RUNX1: variants seen among roughly 807,000 people sequenced by gnomAD.
The protein encoded by RUNX1 is runt-related transcription factor 1.
Under a neutral mutation model 42.8 loss-of-function variants are expected in RUNX1, and 19 were observed. The ratio of observed to expected loss-of-function variants is 0.44; its 90% confidence interval spans 0.31 to 0.65. The LOEUF is 0.65. Ranked by LOEUF, RUNX1 falls within the 30% of genes least tolerant of loss-of-function variation. The probability of loss-of-function intolerance (pLI) is 0.07; values close to 1 mark genes in which losing one functional copy is unlikely to be tolerated. For missense variants in RUNX1, 528 were observed against 672.0 expected (o/e 0.79, Z 2.37); for synonymous variants, 271 against 289.4 (o/e 0.94, Z 0.64).
intron 2 of RUNX1, among the ~76,000 whole-genome samples, chr21:35,031,800 T>C (rs1053915599): frequency 2.0e-5 from 3 of 152,258 alleles, no homozygotes; most frequent in African/African-American, 7.2e-5. Context: ...ATCTTATGTA[T>C]ATGTGGAATC....
At chr21:34,815,338 T>C (rs550818535) in intron 7 of RUNX1, among the ~76,000 whole-genome samples, 1 of 152,192 alleles carries the variant, frequency 6.6e-6, no homozygotes, top group South Asian at 2.1e-4. Flanking sequence ...AATGTAATTC[T>C]GCTAGGAGAA....
rs113733214 is a variant in RUNX1 at position 34,853,620 on chromosome 21, G to A, written c.613+5854C>T. ...TTGAAGATTATATAAATTAATATGC[G>A]TGAAGCACTGTGAACAGTGTTGGGC... On this transcript the variant is annotated intron_variant, in intron 6 of 8. Coordinates refer to ENST00000675419, the MANE Select transcript of RUNX1 (RefSeq NM_001754.5). Among the ~76,000 whole-genome samples, 187 of 152,232 alleles carry A rather than the reference G, an allele frequency of 1.2e-3. 1 individual carries two copies. Among genetic ancestry groups the A allele is most frequent in the Non-Finnish European group, 2.0e-3 (136 of 68,020 alleles).
intron 2 of RUNX1, among the ~76,000 whole-genome samples, chr21:35,040,444 G>A (rs1601702853): frequency 6.6e-6 from 1 of 152,062 alleles, no homozygotes; most frequent in East Asian, 1.9e-4. Flanking sequence ...TGAGCAATGA[G>A]TGCCACTCTG....
chr21:34,905,596 T>C (rs1388256055), intron 2 of RUNX1, among the ~76,000 whole-genome samples: 1 of 152,220 alleles, frequency 6.6e-6, no homozygotes, highest in Non-Finnish European at 1.5e-5. Flanking sequence ...TTAGCCAGAA[T>C]GTTATTCTGT....
At chr21:34,887,260 G>GGGGGGGGGGGGGGGGGGGGGGGGGGT in intron 3 of RUNX1, 164 bp from the exon 4 acceptor site, 1 of 771,778 alleles carries the variant, frequency 1.3e-6, no homozygotes. Flanking sequence ...GGCGGGGGTG[G>GGGGGGGGGGGGGGGGGGGGGGGGGGT]TTAGGGGAGG....
chr21:34,966,967 G>A (rs11701555), intron 2 of RUNX1, among the ~76,000 whole-genome samples: 24,134 of 151,930 alleles, frequency 0.16, 2,075 homozygotes, highest in Middle Eastern at 0.24. Context: ...AAATAAAAAG[G>A]TTATTCATGC....
At chr21:35,014,496 G>A (rs775216003) in intron 2 of RUNX1, among the ~76,000 whole-genome samples, 11 of 152,228 alleles carry the variant, frequency 7.2e-5, no homozygotes, top group South Asian at 2.1e-4. Context: ...CCACATATAC[G>A]GAAAGGAGAT....
chr21:34,998,340 G>A (rs191024845), intron 2 of RUNX1, among the ~76,000 whole-genome samples: 4 of 151,818 alleles, frequency 2.6e-5, no homozygotes, highest in African/African-American at 7.3e-5. Flanking sequence ...ACCACACAAC[G>A]TCCAGAGACC....
intron 2 of RUNX1, among the ~76,000 whole-genome samples, chr21:35,031,629 A>G (rs1006837956): frequency 6.6e-6 from 1 of 152,218 alleles, no homozygotes; most frequent in East Asian, 1.9e-4. Flanking sequence ...GTGTCCATCG[A>G]CAGATGAATG....
At chr21:34,914,846 C>T (rs2058299792) in intron 2 of RUNX1, among the ~76,000 whole-genome samples, 2 of 152,250 alleles carry the variant, frequency 1.3e-5, no homozygotes, top group Admixed American at 1.3e-4. Context: ...TGCCTGTGTC[C>T]TAATTGATTT....
intron 2 of RUNX1, among the ~76,000 whole-genome samples, chr21:34,905,877 C>A (rs1023837295): frequency 6.6e-6 from 1 of 152,134 alleles, no homozygotes; most frequent in Non-Finnish European, 1.5e-5. Flanking sequence ...AAAATAAAAA[C>A]TTCTCTAGAA....
intron 2 of RUNX1, among the ~76,000 whole-genome samples, chr21:34,994,187 C>T (rs549733739): frequency 4.4e-5 from 6 of 137,666 alleles, no homozygotes; most frequent in Admixed American, 7.1e-5. Context: ...AACATCTAGA[C>T]GGAACCACAT....
rs550796652 is a variant in RUNX1, at chr21:34,971,961, C to T, written c.58+76881G>A. Among the ~76,000 whole-genome samples the T allele has an allele frequency of 3.9e-5, 6 of 152,308 alleles. No individual in the cohort carries two copies. The South Asian group carries it at 1.2e-3, about 32-fold the overall frequency. On this transcript the variant is annotated intron_variant, in intron 2 of 8. Transcript: ENST00000675419. ...CAGGCATGATTTTAATGACCCTTTG[C>T]AGGGTTATAACTGATCTCTTAGAGA...
chr21:35,038,777 A>G (rs181593365), intron 2 of RUNX1: 28 of 455,926 alleles, frequency 6.1e-5, no homozygotes, highest in African/African-American at 5.6e-4. Context: ...TTTTATACAA[A>G]GATCTCCCAC....
chr21:34,799,174 G>A, intron 8 of RUNX1, 127 bp downstream of exon 8: 1 of 987,862 alleles, frequency 1.0e-6, no homozygotes. Flanking sequence ...GGGACTCAGA[G>A]TAGAGATAGG....
chr21:34,804,060 A>G (rs1276901850), intron 7 of RUNX1, among the ~76,000 whole-genome samples: 1 of 152,206 alleles, frequency 6.6e-6, no homozygotes, highest in Non-Finnish European at 1.5e-5. Context: ...TTGCAGGGCA[A>G]ACTGCAACCC....
chr21:34,849,050 T>C (rs1035044953), intron 6 of RUNX1, among the ~76,000 whole-genome samples: 3 of 150,842 alleles, frequency 2.0e-5, no homozygotes, highest in Non-Finnish European at 1.5e-5. Flanking sequence ...TTTCAGTATA[T>C]GGAAGTACAC....
rs1448135975 is a variant in RUNX1, at chr21:34,792,978, C to T, written c.968-368G>A. Among the ~76,000 whole-genome samples, 2 of 151,374 alleles carry T rather than the reference C, an allele frequency of 1.3e-5. No individual in the cohort carries two copies. Among genetic ancestry groups the T allele is most frequent in the Non-Finnish European group, 3.0e-5 (2 of 67,746 alleles). ...ACGGAGACCACCCAGGATGACACCA[C>T]CTGGGAGGATGGAGACCACCCAGGA... On this transcript the variant is annotated intron_variant, in intron 8 of 8. Coordinates refer to ENST00000675419, the MANE Select transcript of RUNX1 (RefSeq NM_001754.5). The surrounding 1 kb of genome is among the most constrained non-coding windows in gnomAD (Gnocchi z 6.9).
At chr21:34,809,408 A>T (rs1353891711) in intron 7 of RUNX1, among the ~76,000 whole-genome samples, 1 of 151,912 alleles carries the variant, frequency 6.6e-6, no homozygotes, top group Non-Finnish European at 1.5e-5. Flanking sequence ...GAATGAGGAT[A>T]CTCACTCCAG....
Sources: gnomAD v4.1 joint callset for allele counts (sites outside exome capture counted in the v4.1 genomes callset) on GRCh38, gnomAD v4.1.1 for gene constraint, Gnocchi (gnomAD v3.1) non-coding constraint, MANE v1.5 for transcripts, NCBI Gene and HGNC (gene_info 2026-07-23, HGNC 2026-07-21) for gene names.